Variants in MSR1 observed in about 807,000 individuals in gnomAD.
MSR1 encodes the protein macrophage scavenger receptor 1, also known as macrophage scavenger receptor types I and II.
A neutral mutation model predicts 47.2 loss-of-function variants in MSR1; 53 were observed. The observed-to-expected ratio is 1.12, with a 90% CI of 0.90 to 1.41. The LOEUF is 1.41. Ranked by LOEUF, MSR1 falls within the 40% of genes most tolerant of loss-of-function variation. MSR1 has a pLI of 0.00. For synonymous variants in MSR1, 239 were observed against 185.6 expected, an observed-to-expected ratio of 1.29 and a Z score of -2.34; for missense variants, 786 against 546.9, an observed-to-expected ratio of 1.44 and a Z score of -4.36.
intron 1 of MSR1, among the ~76,000 whole-genome samples, chr8:16,188,547 G>T (rs889152319): frequency 2.0e-5 from 3 of 151,980 alleles, no homozygotes; most frequent in African/African-American, 7.2e-5. Flanking sequence ...AGAACGTGCA[G>T]GTTTGCTACA....
At chr8:16,186,269 G>C in intron 1 of MSR1, 1 of 1,397,528 alleles carries the variant, frequency 7.2e-7, no homozygotes, top group South Asian at 1.2e-5. Context: ...CTCAACAGCA[G>C]AGTGAGCCAG....
intron 8 of MSR1, among the ~76,000 whole-genome samples, chr8:16,131,219 G>C (rs1436682308): frequency 6.6e-6 from 1 of 152,046 alleles, no homozygotes; most frequent in African/African-American, 2.4e-5. Context: ...CTTTTGGTTT[G>C]CATTTCTCTA....
chr8:16,177,803 G>T (rs1333714933), intron 2 of MSR1, 83 bp downstream of exon 2: 1 of 1,041,392 alleles, frequency 9.6e-7, no homozygotes, highest in South Asian at 1.3e-5. Flanking sequence ...TTACATTTAA[G>T]GTAAGTCTCA....
intron 4 of MSR1, among the ~76,000 whole-genome samples, chr8:16,166,865 T>G (rs1801326423): frequency 6.6e-6 from 1 of 151,710 alleles, no homozygotes; most frequent in Admixed American, 6.6e-5. Flanking sequence ...AGCTAAAGAT[T>G]CAAAGGTCAA....
At chr8:16,119,062 T>A (rs961255257) in intron 9 of MSR1, among the ~76,000 whole-genome samples, 4 of 152,104 alleles carry the variant, frequency 2.6e-5, no homozygotes, top group African/African-American at 9.7e-5. Context: ...ACCTTTAGGG[T>A]GCAAGTTAAA....
chr8:16,131,750 A>G (rs1563144065), intron 8 of MSR1, among the ~76,000 whole-genome samples: 1 of 151,848 alleles, frequency 6.6e-6, no homozygotes, highest in Non-Finnish European at 1.5e-5. Flanking sequence ...TCCTTTTCCT[A>G]TTGCTTGTTT....
intron 3 of MSR1, among the ~76,000 whole-genome samples, chr8:16,173,583 T>A (rs536665091): frequency 1.3e-5 from 2 of 152,360 alleles, no homozygotes; most frequent in South Asian, 4.1e-4. Context: ...TTTTAGTGTA[T>A]TTTTAATGGC....
chr8:16,170,871 T>G (rs971277897), intron 3 of MSR1, among the ~76,000 whole-genome samples: 1 of 152,162 alleles, frequency 6.6e-6, no homozygotes, highest in African/African-American at 2.4e-5. Flanking sequence ...AACAATTACC[T>G]CAACAGTGGT....
chr8:16,187,956 A>G (rs1030990072), intron 1 of MSR1, among the ~76,000 whole-genome samples: 2 of 152,192 alleles, frequency 1.3e-5, no homozygotes, highest in African/African-American at 4.8e-5. Context: ...ACATACTTGC[A>G]TGAGCCTTCA....
At chr8:16,185,951 C>T (rs867809022) in intron 1 of MSR1, among the ~76,000 whole-genome samples, 8 of 151,260 alleles carry the variant, frequency 5.3e-5, no homozygotes, top group Non-Finnish European at 1.0e-4. Flanking sequence ...AACTTTTTGA[C>T]GCTGCAAGAG....
intron 3 of MSR1, among the ~76,000 whole-genome samples, chr8:16,173,594 C>T (rs1801551797): frequency 6.6e-6 from 1 of 151,834 alleles, no homozygotes; most frequent in Non-Finnish European, 1.5e-5. Flanking sequence ...TTTTAATGGC[C>T]AAAAAGAAGT....
At chr8:16,169,622 C>T (rs7831768) in intron 3 of MSR1, among the ~76,000 whole-genome samples, 14,210 of 152,080 alleles carry the variant, frequency 0.093, 784 homozygotes, top group Admixed American at 0.2. Flanking sequence ...TTTTGGTGTA[C>T]GTGTCTCAAC....
At chr8:16,188,716 G>T (rs116878153) in intron 1 of MSR1, among the ~76,000 whole-genome samples, 1 of 151,730 alleles carries the variant, frequency 6.6e-6, no homozygotes, top group African/African-American at 2.4e-5. Flanking sequence ...CTGTGTCCAC[G>T]TGCTCTCACT....
At chr8:16,140,783 T>G (rs573148202) in intron 8 of MSR1, 1 of 1,460,942 alleles carries the variant, frequency 6.8e-7, no homozygotes, top group South Asian at 1.4e-5. Flanking sequence ...GGTGGAGTAA[T>G]TGGAGTAAGA....
chr8:16,120,051 T>A (rs991311763), intron 9 of MSR1, among the ~76,000 whole-genome samples: 1 of 151,922 alleles, frequency 6.6e-6, no homozygotes, highest in Non-Finnish European at 1.5e-5. Flanking sequence ...ATTCTCTGTC[T>A]TTAGAGAATG....
At chr8:16,189,390 TATTTTA>T (rs1482512514) in intron 1 of MSR1, among the ~76,000 whole-genome samples, 8 of 99,254 alleles carry the variant, frequency 8.1e-5, no homozygotes, top group African/African-American at 3.8e-4. Flanking sequence ...TATAAAATCT[TATTTTA>T]TATATATTTT....
chr8:16,150,373 T>C, intron 6 of MSR1, 62 bp from the exon 7 acceptor site: 2 of 888,998 alleles, frequency 2.2e-6, no homozygotes, highest in Admixed American at 2.4e-5. Flanking sequence ...CTTGAGAGTA[T>C]AATGAAAACA....
At chr8:16,174,945 T>C (rs1424853044) in intron 3 of MSR1, among the ~76,000 whole-genome samples, 1 of 152,194 alleles carries the variant, frequency 6.6e-6, no homozygotes, top group Non-Finnish European at 1.5e-5. Context: ...TACAAATCTG[T>C]ATTTTTATCT....
Position 16,192,650 on chromosome 8 carries a change from T to G in MSR1, c.-57A>C, listed in dbSNP as rs910626304. 2 of 152,092 alleles carry G rather than the reference T, an allele frequency of 1.3e-5. No individual in the cohort carries two copies. Among genetic ancestry groups the G allele is most frequent in the African/African-American group, 4.8e-5 (2 of 41,424 alleles). The allele number at this position is 152,092 out of a possible 1,614,324, so 9.4% of individuals were successfully genotyped here. A position where few individuals can be genotyped will look rare whatever the true frequency, so the allele number is the denominator to read the frequency against. On this transcript the variant is annotated 5_prime_UTR_variant, in exon 1 of 10. Coordinates refer to ENST00000262101, the MANE Select transcript of MSR1 (RefSeq NM_138715.3). ...TTTATCCACTTCTCTCTCTTTACAA[T>G]TGAAACCTAAAATCTTTATCTCATA...
Sources: allele counts gnomAD v4.1 joint callset (sites outside exome capture counted in the v4.1 genomes callset), GRCh38; gene constraint gnomAD v4.1.1; transcripts MANE v1.5; gene names NCBI Gene and HGNC (gene_info 2026-07-23, HGNC 2026-07-21).